Variants in FBXL2 observed in about 807,000 individuals in gnomAD.
The protein encoded by FBXL2 is F-box and leucine rich repeat protein 2.
In FBXL2, 38 loss-of-function variants were observed where a neutral mutation model predicts 69.2. The ratio of observed to expected loss-of-function variants is 0.55; its 90% confidence interval spans 0.42 to 0.72. The LOEUF is 0.72. FBXL2 is among the 30% of genes least tolerant of loss of function. The pLI, the probability that FBXL2 is intolerant of heterozygous loss-of-function variation, is 0.00. For missense variants in FBXL2, 354 were observed against 520.3 expected (o/e 0.68, Z 3.11); for synonymous variants, 192 against 201.3 (o/e 0.95, Z 0.39).
At chr3:33,306,873 C>T (rs2036767435) in intron 2 of FBXL2, among the ~76,000 whole-genome samples, 2 of 151,998 alleles carry the variant, frequency 1.3e-5, no homozygotes, top group Non-Finnish European at 2.9e-5. Context: ...ATTGGGGCTG[C>T]AAAGTGGTGA....
At chr3:33,417,652 A>T in the FBXL2 span, among the ~76,000 whole-genome samples, 1 of 152,220 alleles carries the variant, frequency 6.6e-6, no homozygotes, top group African/African-American at 2.4e-5. Flanking sequence ...ATGCTGCTGT[A>T]AAAAAATTAA....
chr3:33,328,093 C>T (rs2038850556), intron 2 of FBXL2, among the ~76,000 whole-genome samples: 1 of 151,882 alleles, frequency 6.6e-6, no homozygotes, highest in African/African-American at 2.4e-5. Flanking sequence ...AAAAGCAATC[C>T]CATTCATAAT....
intron 2 of FBXL2, among the ~76,000 whole-genome samples, chr3:33,342,900 T>G (rs1207752426): frequency 6.2e-5 from 9 of 144,856 alleles, no homozygotes; most frequent in Non-Finnish European, 1.2e-4. Flanking sequence ...GCTGTTTTTT[T>G]TTTTTTTTTT....
rs1362778158 is a variant in FBXL2, at chr3:33,387,029, A to G, written c.*1421A>G. On this transcript the variant is annotated 3_prime_UTR_variant, in exon 15 of 15. Transcript: ENST00000484457. ...TCAGCTGCATTCTAGGAAGAGAAGC[A>G]GATTATATATATATATAATCTCCCC... 6.6e-6 allele frequency: 1 copy of G among 152,206 alleles called. No individual in the cohort carries two copies. Among genetic ancestry groups the G allele is most frequent in the Non-Finnish European group, 1.5e-5 (1 of 68,028 alleles). 9.4% of individuals were successfully genotyped at this position (152,206 alleles called of 1,614,324 possible). A position where few individuals can be genotyped will look rare whatever the true frequency, so the allele number is the denominator to read the frequency against.
intron 2 of FBXL2, among the ~76,000 whole-genome samples, chr3:33,307,467 AT>A (rs924314436): frequency 1.5e-4 from 23 of 151,574 alleles, no homozygotes; most frequent in Middle Eastern, 3.4e-3. Flanking sequence ...CCTGGGTCAG[AT>A]TTTTTTTTCT....
At chr3:33,340,413 G>A (rs554520097) in intron 2 of FBXL2, among the ~76,000 whole-genome samples, 25 of 151,832 alleles carry the variant, frequency 1.6e-4, no homozygotes, top group Admixed American at 1.6e-3. Flanking sequence ...AAGAAACCAG[G>A]GCTTGGACAA....
chr3:33,348,776 T>TC (rs559435965), intron 2 of FBXL2, among the ~76,000 whole-genome samples: 39 of 152,026 alleles, frequency 2.6e-4, no homozygotes, highest in Non-Finnish European at 1.5e-4. Context: ...TTGTGTGTGT[T>TC]CTTTTTAATT....
chr3:33,396,823 C>A, intron 12 of FBXL2: 1 of 671,344 alleles, frequency 1.5e-6, no homozygotes. Flanking sequence ...GCATTTCTAC[C>A]AGTCTTACAG....
intron 2 of FBXL2, among the ~76,000 whole-genome samples, chr3:33,336,893 G>A (rs2039624614): frequency 2.0e-5 from 3 of 149,518 alleles, no homozygotes; most frequent in Non-Finnish European, 3.0e-5. Context: ...GACAGAGCTA[G>A]ACTCTGTCTC....
chr3:33,396,899 G>A (rs560362121), intron 12 of FBXL2: 1 of 769,420 alleles, frequency 1.3e-6, no homozygotes, highest in Admixed American at 2.0e-5. Flanking sequence ...ACACAAAACA[G>A]TCTTCTTGTG....
chr3:33,283,626 C>T (rs1178368896), intron 1 of FBXL2, among the ~76,000 whole-genome samples: 1 of 152,176 alleles, frequency 6.6e-6, no homozygotes, highest in South Asian at 2.1e-4. Flanking sequence ...AGGAATGGTA[C>T]GAGCTCCTCT....
In FBXL2 at chr3:33,334,150, A is replaced by C. The variant is rs546945845; in HGVS notation, c.66-24817A>C. 3.2e-3 allele frequency among the ~76,000 whole-genome samples: 487 copies of C among 152,338 alleles called. 1 individual carries two copies. The highest frequency in any genetic ancestry group is 4.4e-3 in the Admixed American group (67 of 15,308). On this transcript the variant is annotated intron_variant, in intron 2 of 14. Transcript: ENST00000484457. ...AACTATTCTGTCTGGAATGTGTTCT[A>C]AAATTATGAGCTACACAAATTAGCA...
Position 33,364,423 on chromosome 3 carries a change from A to G in FBXL2, c.196-202A>G, listed in dbSNP as rs569368195. The G allele has an allele frequency of 2.8e-4, 164 of 589,834 alleles. 1 individual carries two copies. Among genetic ancestry groups the G allele is most frequent in the Middle Eastern group, 9.2e-4 (2 of 2,176 alleles). 36.5% of individuals were successfully genotyped at this position (589,834 alleles called of 1,614,324 possible). ...TTTGTTGGTTGGTTTTAGAATACTTAATGCTTTAATTGGACCATTTTTCAG... is the reference window on the plus strand; with the variant it reads ...TTTGTTGGTTGGTTTTAGAATACTTGATGCTTTAATTGGACCATTTTTCAG... On this transcript the variant is annotated intron_variant, in intron 4 of 14. Transcript: ENST00000484457.
At chr3:33,395,913 C>T (rs569776519) in intron 12 of FBXL2, among the ~76,000 whole-genome samples, 89 of 151,110 alleles carry the variant, frequency 5.9e-4, no homozygotes, top group African/African-American at 1.7e-3. Context: ...TAGATATTTC[C>T]GGCATGAAGG....
At chr3:33,344,332 A>G (rs2040281241) in intron 2 of FBXL2, among the ~76,000 whole-genome samples, 2 of 152,132 alleles carry the variant, frequency 1.3e-5, no homozygotes. Context: ...TGATTTTCAT[A>G]TTTGTGTATA....
chr3:33,284,439 C>G (rs899415966), intron 1 of FBXL2, among the ~76,000 whole-genome samples: 2 of 152,184 alleles, frequency 1.3e-5, no homozygotes, highest in African/African-American at 4.8e-5. Context: ...TGTTCTTTTA[C>G]ATTTGCTGAG....
At chr3:33,411,638 C>G in the FBXL2 span, 2 of 1,614,152 alleles carry the variant, frequency 1.2e-6, no homozygotes, top group East Asian at 2.2e-5. Context: ...CCGCATTTAA[C>G]TGGCTTGGAT....
At chr3:33,315,576 A>G (rs971559972) in intron 2 of FBXL2, among the ~76,000 whole-genome samples, 42 of 152,076 alleles carry the variant, frequency 2.8e-4, no homozygotes, top group African/African-American at 9.9e-4. Flanking sequence ...GCCCTAAGGC[A>G]TTGTCTTTTT....
At chr3:33,331,900 A>G (rs756362641) in intron 2 of FBXL2, among the ~76,000 whole-genome samples, 25 of 152,208 alleles carry the variant, frequency 1.6e-4, no homozygotes, top group Non-Finnish European at 3.1e-4. Flanking sequence ...GATATAGAAA[A>G]GGTTAAGAGA....
Sources: gnomAD v4.1 joint callset for allele counts (sites outside exome capture counted in the v4.1 genomes callset) on GRCh38, gnomAD v4.1.1 for gene constraint, MANE v1.5 for transcripts, NCBI Gene and HGNC (gene_info 2026-07-23, HGNC 2026-07-21) for gene names.